WWP2: variants seen among roughly 807,000 people sequenced by gnomAD.
WWP2 encodes the protein NEDD4-like E3 ubiquitin-protein ligase WWP2.
Under a neutral mutation model 121.0 loss-of-function variants are expected in WWP2, and 57 were observed. That is an observed-to-expected ratio of 0.47 (90% CI 0.38 to 0.59). The LOEUF (loss-of-function observed/expected upper bound fraction) is 0.59. WWP2 is among the 20% of genes least tolerant of loss of function. The pLI is 0.00. For synonymous variants in WWP2, 449 were observed against 441.3 expected (o/e 1.02, Z -0.22); for missense variants, 962 against 1,158.9 (o/e 0.83, Z 2.47).
intron 2 of WWP2, among the ~76,000 whole-genome samples, chr16:69,788,704 T>C (rs1567665501): frequency 6.6e-6 from 1 of 152,200 alleles, no homozygotes; most frequent in African/African-American, 2.4e-5. Flanking sequence ...CTTGTCCCTG[T>C]TTAATTAATT....
intron 9 of WWP2, chr16:69,909,196 T>A: frequency 5.9e-6 from 6 of 1,020,368 alleles, no homozygotes; most frequent in Non-Finnish European, 7.0e-6. Context: ...AACCAAAGGA[T>A]GAGAGAGGCT....
At chr16:69,791,514 C>T (rs2055910669) in intron 2 of WWP2, among the ~76,000 whole-genome samples, 1 of 152,150 alleles carries the variant, frequency 6.6e-6, no homozygotes, top group Admixed American at 6.6e-5. Flanking sequence ...AGGCGTAAGC[C>T]ACTGCACCTG....
chr16:69,862,210 C>T (rs556264647), intron 6 of WWP2, among the ~76,000 whole-genome samples: 1 of 152,256 alleles, frequency 6.6e-6, no homozygotes, highest in South Asian at 2.1e-4. Flanking sequence ...GGATTACAGG[C>T]ATTCGCCACC....
intron 9 of WWP2, chr16:69,909,261 T>C (rs2151962142): frequency 1.0e-6 from 1 of 991,934 alleles, no homozygotes; most frequent in East Asian, 1.1e-4. Context: ...GTTCCCTGTC[T>C]GCCAGGGACA....
intron 7 of WWP2, among the ~76,000 whole-genome samples, chr16:69,873,479 G>A (rs2057679485): frequency 6.6e-6 from 1 of 152,220 alleles, no homozygotes; most frequent in South Asian, 2.1e-4. Flanking sequence ...GGAGCTGCAG[G>A]TGGGGAGTCC....
At chr16:69,855,776 G>A (rs1393517400) in intron 6 of WWP2, among the ~76,000 whole-genome samples, 1 of 152,210 alleles carries the variant, frequency 6.6e-6, no homozygotes, top group East Asian at 1.9e-4. Context: ...AGTCCCACTG[G>A]AGAGGAAGGG....
intron 4 of WWP2, among the ~76,000 whole-genome samples, chr16:69,826,795 C>T (rs538653469): frequency 1.7e-4 from 25 of 150,662 alleles, no homozygotes; most frequent in East Asian, 3.9e-4. Flanking sequence ...AAAAATTAGC[C>T]GGACATGGTG....
intron 6 of WWP2, among the ~76,000 whole-genome samples, chr16:69,861,266 A>G (rs1366760521): frequency 6.6e-6 from 1 of 152,138 alleles, no homozygotes; most frequent in Non-Finnish European, 1.5e-5. Context: ...GCTCTCTTTG[A>G]AGTTTGGGAG....
rs1220028528 is a variant in WWP2, at chr16:69,799,045, G to C, written c.219-129G>C. ...ACAGGGTCAGCTTTGAGAGGGGAAA[G>C]GATATATGTGGGTGTCTGCCTGTTT... is the stretch of plus-strand genomic sequence containing the variant. On this transcript the variant is annotated intron_variant, in intron 3 of 23. Coordinates refer to ENST00000359154, the MANE Select transcript of WWP2 (RefSeq NM_001270454.2). The surrounding 1 kb of genome is among the most constrained non-coding windows in gnomAD (Gnocchi z 4.5). The C allele has an allele frequency of 1.4e-6, 2 of 1,424,974 alleles. No individual in the cohort carries two copies. Among genetic ancestry groups the C allele is most frequent in the Non-Finnish European group, 1.9e-6 (2 of 1,051,482 alleles). The allele number at this position is 1,424,974 out of a possible 1,614,324, so 88.3% of individuals were successfully genotyped here. A position where few individuals can be genotyped will look rare whatever the true frequency, so the allele number is the denominator to read the frequency against.
intron 7 of WWP2, among the ~76,000 whole-genome samples, chr16:69,883,400 GCACACA>G (rs59771717): frequency 0.018 from 2,608 of 145,968 alleles, 72 homozygotes; most frequent in African/African-American, 0.062. Flanking sequence ...AAGAATGTGC[GCACACA>G]CACACACACA....
At chr16:69,895,902 G>T (rs1400842601) in intron 8 of WWP2, among the ~76,000 whole-genome samples, 1 of 152,172 alleles carries the variant, frequency 6.6e-6, no homozygotes, top group Non-Finnish European at 1.5e-5. Flanking sequence ...CTTTCCTCCA[G>T]TTTGTTTCTT....
Position 69,764,667 on chromosome 16 carries a change from A to G in WWP2, c.-16+2276A>G, listed in dbSNP as rs550216885. Among the ~76,000 whole-genome samples, 157 of 152,334 alleles carry G rather than the reference A, an allele frequency of 1.0e-3. 1 individual carries two copies. The highest frequency in any genetic ancestry group is 1.1e-3 in the Non-Finnish European group (76 of 68,034). ...ACATTCTTTCATTCAGTGAATATTT[A>G]TAAGTACCCACTCTGTCTTTGCCAG... On this transcript the variant is annotated intron_variant, in intron 1 of 23. Coordinates refer to ENST00000359154, the MANE Select transcript of WWP2 (RefSeq NM_001270454.2).
intron 4 of WWP2, among the ~76,000 whole-genome samples, chr16:69,837,180 C>T (rs2056892072): frequency 6.6e-6 from 1 of 152,196 alleles, no homozygotes; most frequent in African/African-American, 2.4e-5. Flanking sequence ...CCTCCTTGGT[C>T]TCCCAAAGTG....
chr16:69,776,584 C>G (rs1486837388), intron 1 of WWP2, among the ~76,000 whole-genome samples: 1 of 152,162 alleles, frequency 6.6e-6, no homozygotes, highest in Non-Finnish European at 1.5e-5. Context: ...AATCCCAGCA[C>G]TTTGGGAGGC....
chr16:69,802,770 AT>A (rs1189024727), intron 4 of WWP2, among the ~76,000 whole-genome samples: 1 of 151,776 alleles, frequency 6.6e-6, no homozygotes, highest in Non-Finnish European at 1.5e-5. Context: ...TGCCCAGCTA[AT>A]TTTTTTATTT....
chr16:69,825,717 C>T (rs938492621), intron 4 of WWP2, among the ~76,000 whole-genome samples: 6 of 151,130 alleles, frequency 4.0e-5, no homozygotes, highest in African/African-American at 1.5e-4. Context: ...CCTTGACCTC[C>T]TGGGCTCAAG....
intron 8 of WWP2, among the ~76,000 whole-genome samples, chr16:69,897,224 T>A (rs186141163): frequency 3.3e-4 from 50 of 152,118 alleles, no homozygotes; most frequent in Admixed American, 3.3e-3. Context: ...CGCTTCAGCC[T>A]CTCGAGTACC....
rs3748389 is a variant in WWP2 at position 69,939,922 on chromosome 16, G to A, written c.2595G>A (p.Glu865=). Residue 865 remains glutamate (E), a synonymous_variant, in exon 24 of 24, where the codon GAG becomes GAA. Coordinates refer to ENST00000359154, the MANE Select transcript of WWP2 (RefSeq NM_001270454.2). ...EKLLYAIEET[E]GFGQE ...TGCTGTATGCCATTGAGGAGACCGA[G>A]GGCTTTGGACAGGAGTAACCGAGGC... is the stretch of plus-strand genomic sequence containing the variant. 0.38 allele frequency: 611,488 copies of A among 1,612,778 alleles called. 125,025 individuals carry two copies. The highest frequency in any genetic ancestry group is 0.84 in the East Asian group (37,755 of 44,864).
In WWP2 at chr16:69,931,921, G is replaced by A. The variant is rs375640664; in HGVS notation, c.1682+31G>A. On this transcript the variant is annotated intron_variant, in intron 16 of 23. Transcript: ENST00000359154. ...CTTGAGTGCCCCGGAAGGCTGCCCTGTACCCCGCTTCCCCAGGCTACAGCA... is the reference window on the plus strand; with the variant it reads ...CTTGAGTGCCCCGGAAGGCTGCCCTATACCCCGCTTCCCCAGGCTACAGCA... The A allele has an allele frequency of 6.3e-6, 10 of 1,590,782 alleles. No homozygotes were observed. The African/African-American group carries it at 1.3e-4, about 21-fold the overall frequency.
Sources: gnomAD v4.1 joint callset for allele counts (sites outside exome capture counted in the v4.1 genomes callset) on GRCh38, gnomAD v4.1.1 for gene constraint, Gnocchi (gnomAD v3.1) non-coding constraint, MANE v1.5 for transcripts, NCBI Gene and HGNC (gene_info 2026-07-23, HGNC 2026-07-21) for gene names.